Variants in VPS13C observed in about 807,000 individuals in gnomAD.
VPS13C encodes vacuolar protein sorting 13 homolog C.
A neutral mutation model predicts 456.8 loss-of-function variants in VPS13C; 358 were observed. The ratio of observed to expected loss-of-function variants is 0.78; its 90% CI spans 0.72 to 0.86. VPS13C has a LOEUF of 0.86. Ranked by LOEUF, VPS13C falls within the 40% of genes least tolerant of loss-of-function variation. The pLI is 0.00. For missense variants in VPS13C, 4,818 were observed against 4,385.4 expected, an observed-to-expected ratio of 1.10 and a Z score of -2.79; for synonymous variants, 1,578 against 1,486.7, an observed-to-expected ratio of 1.06 and a Z score of -1.41.
chr15:61,856,478 C>A, intron 82 of VPS13C, 69 bp from the exon 83 acceptor site: 1 of 1,582,198 alleles, frequency 6.3e-7, no homozygotes, highest in Non-Finnish European at 8.6e-7. Context: ...CAATATTTCA[C>A]CCTACTGGAT....
At chr15:61,865,733 T>C (rs1176914793) in intron 81 of VPS13C, 20 of 525,080 alleles carry the variant, frequency 3.8e-5, no homozygotes, top group Non-Finnish European at 4.6e-5. Context: ...TGTGTTTGTG[T>C]GTATGTATAT....
intron 69 of VPS13C, among the ~76,000 whole-genome samples, chr15:61,882,138 G>C (rs1333938185): frequency 6.6e-6 from 1 of 152,058 alleles, no homozygotes; most frequent in African/African-American, 2.4e-5. Flanking sequence ...AATAAAAGTT[G>C]AAACTGAATA....
chr15:61,925,295 G>GA (rs370588451), intron 53 of VPS13C, among the ~76,000 whole-genome samples, 161 bp downstream of exon 53: 170 of 152,024 alleles, frequency 1.1e-3, no homozygotes, highest in African/African-American at 3.9e-3. Context: ...TTGCATTAAA[G>GA]AAAAATATAC....
At chr15:61,929,070 G>C (rs1176021554) in intron 51 of VPS13C, among the ~76,000 whole-genome samples, 1 of 152,192 alleles carries the variant, frequency 6.6e-6, no homozygotes, top group South Asian at 2.1e-4. Flanking sequence ...CTCTTCCACA[G>C]AGTTTAAGGA....
chr15:61,933,713 A>C (rs898373556), intron 49 of VPS13C, among the ~76,000 whole-genome samples: 4 of 152,128 alleles, frequency 2.6e-5, no homozygotes, highest in African/African-American at 4.8e-5. Context: ...ATGGCATAAG[A>C]CCTTGGCTCT....
At position 61,907,301 on chromosome 15, in the gene VPS13C, G is replaced by A; in HGVS notation, c.9068C>T (p.Thr3023Ile). The change falls in exon 66 of 85, where the codon ACA becomes ATA. Residue 3023 changes from threonine (T) to isoleucine (I), a missense_variant. By Grantham distance (89) the Thr-to-Ile change is moderately conservative. Coordinates refer to ENST00000644861, the MANE Select transcript of VPS13C (RefSeq NM_020821.3). Reference protein sequence around the residue: ...DPTGTRKLTWTYAANVGEHDL... With the variant: ...DPTGTRKLTWIYAANVGEHDL... ...ATGTTCCCCAACATTTGCTGCATAT[G>A]TCCATGTAAGTTTTCTGGTACCAGT... 1 of 1,613,938 alleles carries A rather than the reference G, an allele frequency of 6.2e-7. No individual in the cohort carries two copies. Among genetic ancestry groups the A allele is most frequent in the African/African-American group, 1.3e-5 (1 of 75,042 alleles).
intron 5 of VPS13C, among the ~76,000 whole-genome samples, chr15:62,032,095 T>A (rs1216083186): frequency 6.6e-6 from 1 of 151,876 alleles, no homozygotes; most frequent in Non-Finnish European, 1.5e-5. Flanking sequence ...TATCAATATA[T>A]CTAAGTATAC....
rs1894848888 is a variant in VPS13C at position 61,869,422 on chromosome 15, T to C, written c.10748+78A>G. The C allele has an allele frequency of 7.3e-6, 11 of 1,497,146 alleles. No homozygotes were observed. In the South Asian group the frequency reaches 1.2e-4, roughly 16 times the overall value. The allele number at this position is 1,497,146 out of a possible 1,614,324, so 92.7% of individuals were successfully genotyped here. A position where few individuals can be genotyped will look rare whatever the true frequency, so the allele number is the denominator to read the frequency against. On this transcript the variant is annotated intron_variant, in intron 80 of 84. Coordinates refer to ENST00000644861, the MANE Select transcript of VPS13C (RefSeq NM_020821.3). ...TTTAAGATCCTTAGGAGCAGGCAAA[T>C]AATCTAATCTATTTATGTATTCCTT...
At chr15:61,955,101 G>A (rs1257761121) in intron 37 of VPS13C, among the ~76,000 whole-genome samples, 1 of 152,142 alleles carries the variant, frequency 6.6e-6, no homozygotes, top group Non-Finnish European at 1.5e-5. Context: ...TTATGATGCT[G>A]TGTTTCTGAA....
intron 46 of VPS13C, among the ~76,000 whole-genome samples, chr15:61,941,081 T>C (rs2044405039): frequency 6.6e-6 from 1 of 152,216 alleles, no homozygotes; most frequent in South Asian, 2.1e-4. Flanking sequence ...CAAAGGCTGT[T>C]TGATACAGCG....
At chr15:61,950,317 T>G in intron 41 of VPS13C, 41 bp downstream of exon 41, 1 of 1,487,646 alleles carries the variant, frequency 6.7e-7, no homozygotes, top group Non-Finnish European at 9.4e-7. Context: ...CTAGATATAA[T>G]CAACACAACC....
intron 83 of VPS13C, 65 bp downstream of exon 83, chr15:61,856,221 G>C (rs1483947194): frequency 7.0e-6 from 11 of 1,580,400 alleles, no homozygotes; most frequent in Non-Finnish European, 8.6e-6. Flanking sequence ...ATTTTGTGTA[G>C]TTAACTGCAA....
chr15:61,900,591 T>C (rs1714023751), intron 66 of VPS13C, among the ~76,000 whole-genome samples: 1 of 151,468 alleles, frequency 6.6e-6, no homozygotes, highest in Non-Finnish European at 1.5e-5. Context: ...TACAAACCAC[T>C]GCTCAAGGAA....
chr15:62,060,416 C>A lies in VPS13C; in HGVS notation c.-42G>T. 1 of 1,084,164 alleles carries A rather than the reference C, an allele frequency of 9.2e-7. No individual in the cohort carries two copies. Among genetic ancestry groups the A allele is most frequent in the Non-Finnish European group, 1.4e-6 (1 of 730,786 alleles). 67.2% of individuals were successfully genotyped at this position (1,084,164 alleles called of 1,614,324 possible). A position where few individuals can be genotyped will look rare whatever the true frequency, so the allele number is the denominator to read the frequency against. On this transcript the variant is annotated 5_prime_UTR_variant, in exon 1 of 85. Transcript: ENST00000644861. Reference sequence around the variant, plus strand: ...AAGGAGAGGGAGGAGCCGGAACCGCCCGGCGCAGCTGAGGGCTGCGACCAG... The same window carrying A: ...AAGGAGAGGGAGGAGCCGGAACCGCACGGCGCAGCTGAGGGCTGCGACCAG...
At chr15:61,859,329 C>G (rs1204262963) in intron 82 of VPS13C, among the ~76,000 whole-genome samples, 1 of 152,150 alleles carries the variant, frequency 6.6e-6, no homozygotes, top group Non-Finnish European at 1.5e-5. Context: ...AGCCACTGCA[C>G]TCCAGACTGG....
intron 66 of VPS13C, among the ~76,000 whole-genome samples, chr15:61,897,250 G>A (rs901004314): frequency 3.2e-4 from 49 of 152,334 alleles, no homozygotes; most frequent in Non-Finnish European, 1.9e-4. Context: ...AAGCTGGATG[G>A]AGAATGACTT....
intron 64 of VPS13C, among the ~76,000 whole-genome samples, chr15:61,909,661 CA>C (rs1344217119): frequency 6.6e-6 from 1 of 152,140 alleles, no homozygotes; most frequent in Non-Finnish European, 1.5e-5. Context: ...TTTTAAAAAT[CA>C]AAGACATTTT....
Position 61,952,814 on chromosome 15 carries a change from G to A in VPS13C, c.4300-834C>T, listed in dbSNP as rs372189088. On this transcript the variant is annotated intron_variant, in intron 38 of 84. Transcript: ENST00000644861. Reference sequence around the variant, plus strand: ...GCTCACTGCAGTCTTGACCTCCTGGGCTCAAGCGATCCTCCTGCTTCCCAA... The same window carrying A: ...GCTCACTGCAGTCTTGACCTCCTGGACTCAAGCGATCCTCCTGCTTCCCAA... 3.9e-5 allele frequency among the ~76,000 whole-genome samples: 6 copies of A among 152,136 alleles called. No individual in the cohort carries two copies. In the East Asian group the frequency reaches 9.7e-4, roughly 25 times the overall value.
At chr15:61,941,000 AC>A (rs766661991) in intron 46 of VPS13C, among the ~76,000 whole-genome samples, 12 of 152,180 alleles carry the variant, frequency 7.9e-5, no homozygotes, top group Non-Finnish European at 1.3e-4. Context: ...CCAAAACCAA[AC>A]CTACATAACA....
Sources: gnomAD v4.1 joint callset for allele counts (sites outside exome capture counted in the v4.1 genomes callset) on GRCh38, gnomAD v4.1.1 for gene constraint, MANE v1.5 for transcripts, NCBI Gene and HGNC (gene_info 2026-07-23, HGNC 2026-07-21) for gene names.